PRELID2: variants seen among roughly 807,000 people sequenced by gnomAD.
The protein encoded by PRELID2 is PRELI domain-containing protein 2.
In PRELID2, 25 loss-of-function variants were observed where a neutral mutation model predicts 28.4. That is an observed-to-expected ratio of 0.88 (90% CI 0.64 to 1.23). PRELID2 has a LOEUF of 1.23. Among genes scored for constraint, PRELID2 ranks in the 50% most tolerant of loss-of-function variants. PRELID2 has a pLI of 0.00. For synonymous variants in PRELID2, 76 were observed against 71.6 expected (o/e 1.06, Z -0.31); for missense variants, 201 against 214.4 (o/e 0.94, Z 0.39).
chr5:145,320,202 C>A, the PRELID2 span, among the ~76,000 whole-genome samples: 5 of 152,016 alleles, frequency 3.3e-5, no homozygotes, highest in African/African-American at 1.2e-4. Context: ...CCTGAGTGCT[C>A]CTTAAACTAC....
the PRELID2 span, among the ~76,000 whole-genome samples, chr5:145,454,335 A>C: frequency 5.9e-5 from 9 of 152,266 alleles, no homozygotes; most frequent in African/African-American, 9.6e-5. Flanking sequence ...ACTGAATGGG[A>C]AAAAACTGGA....
chr5:145,343,784 A>T, the PRELID2 span, among the ~76,000 whole-genome samples: 15 of 151,884 alleles, frequency 9.9e-5, no homozygotes, highest in African/African-American at 3.6e-4. Flanking sequence ...GAACCAAGAA[A>T]AAAAGAGTAT....
the PRELID2 span, among the ~76,000 whole-genome samples, chr5:145,377,415 A>C: frequency 2.6e-5 from 4 of 152,246 alleles, no homozygotes; most frequent in East Asian, 7.7e-4. Flanking sequence ...TCCAGTGCTG[A>C]GTTCAGGTCC....
At chr5:145,371,464 A>G in the PRELID2 span, among the ~76,000 whole-genome samples, 3 of 152,030 alleles carry the variant, frequency 2.0e-5, no homozygotes, top group African/African-American at 7.2e-5. Context: ...AGTGAAGCCA[A>G]TTTATCATGG....
the PRELID2 span, among the ~76,000 whole-genome samples, chr5:145,414,966 A>T: frequency 6.6e-6 from 1 of 152,196 alleles, no homozygotes; most frequent in Non-Finnish European, 1.5e-5. Flanking sequence ...TGGTTCTAAG[A>T]CCTGAACTCA....
chr5:145,365,954 A>G, the PRELID2 span, among the ~76,000 whole-genome samples: 2 of 151,918 alleles, frequency 1.3e-5, no homozygotes, highest in Non-Finnish European at 2.9e-5. Context: ...AAGTGGTATA[A>G]AAAAGGCTCT....
intron 1 of PRELID2, among the ~76,000 whole-genome samples, chr5:145,657,447 A>G (rs933535980): frequency 5.3e-5 from 8 of 152,196 alleles, no homozygotes; most frequent in Non-Finnish European, 4.4e-5. Flanking sequence ...GCACTTTGGG[A>G]GGCTGAGGCG....
chr5:145,725,916 C>G (rs557585903), intron 1 of PRELID2, among the ~76,000 whole-genome samples: 1 of 152,240 alleles, frequency 6.6e-6, no homozygotes, highest in East Asian at 1.9e-4. Flanking sequence ...GGTGCAGTAG[C>G]TTATGCCTGT....
intron 1 of PRELID2, among the ~76,000 whole-genome samples, chr5:145,709,047 A>G (rs1223118505): frequency 1.3e-5 from 2 of 152,250 alleles, no homozygotes; most frequent in Non-Finnish European, 2.9e-5. Flanking sequence ...ATCCTATGGC[A>G]TAAACATGGC....
intron 4 of PRELID2, among the ~76,000 whole-genome samples, chr5:145,801,171 G>A (rs571867459): frequency 2.0e-4 from 30 of 152,290 alleles, no homozygotes; most frequent in African/African-American, 7.0e-4. Flanking sequence ...AGTCTATTGA[G>A]TAATAAGACC....
chr5:145,323,771 A>G, the PRELID2 span, among the ~76,000 whole-genome samples: 1 of 152,160 alleles, frequency 6.6e-6, no homozygotes, highest in Non-Finnish European at 1.5e-5. Flanking sequence ...AGCTCCATCC[A>G]TGTTGCTGCA....
intron 1 of PRELID2, among the ~76,000 whole-genome samples, chr5:145,652,163 G>T (rs1240337896): frequency 6.6e-6 from 1 of 152,096 alleles, no homozygotes; most frequent in East Asian, 1.9e-4. Flanking sequence ...AGGGATTGAA[G>T]ATCAAATGAA....
At chr5:145,714,614 C>T (rs1755792545) in intron 1 of PRELID2, among the ~76,000 whole-genome samples, 2 of 151,990 alleles carry the variant, frequency 1.3e-5, no homozygotes, top group African/African-American at 2.4e-5. Flanking sequence ...TATATTTTAC[C>T]TCATTTAACC....
chr5:145,277,040 C>T, the PRELID2 span, among the ~76,000 whole-genome samples: 1 of 152,116 alleles, frequency 6.6e-6, no homozygotes, highest in Non-Finnish European at 1.5e-5. Context: ...TGAATGATGC[C>T]ACAGAGTAGA....
At chr5:145,438,127 A>G in the PRELID2 span, among the ~76,000 whole-genome samples, 1 of 152,154 alleles carries the variant, frequency 6.6e-6, no homozygotes, top group Admixed American at 6.5e-5. Flanking sequence ...AATGTGGTTC[A>G]CAAATTGATT....
chr5:145,484,783 G>C (rs1580954544), intron 1 of PRELID2, among the ~76,000 whole-genome samples: 1 of 152,102 alleles, frequency 6.6e-6, no homozygotes, highest in Non-Finnish European at 1.5e-5. Flanking sequence ...TTCACTTAAT[G>C]TTCATTATCT....
intron 1 of PRELID2, among the ~76,000 whole-genome samples, chr5:145,727,120 G>A (rs1469934306): frequency 1.3e-5 from 2 of 152,224 alleles, no homozygotes; most frequent in South Asian, 2.1e-4. Flanking sequence ...GGGGTTGAAA[G>A]GGAGCACTGC....
At chr5:145,652,042 T>G (rs1393845167) in intron 1 of PRELID2, among the ~76,000 whole-genome samples, 1 of 151,760 alleles carries the variant, frequency 6.6e-6, no homozygotes, top group Non-Finnish European at 1.5e-5. Context: ...AAATAACCAG[T>G]GTAGAGAAGT....
chr5:145,576,244 G>T (rs1187044289), intron 1 of PRELID2, among the ~76,000 whole-genome samples: 1 of 152,030 alleles, frequency 6.6e-6, no homozygotes, highest in African/African-American at 2.4e-5. Flanking sequence ...ACCCCAAAAA[G>T]AAACCCCATA....
Sources: gnomAD v4.1 joint callset for allele counts (sites outside exome capture counted in the v4.1 genomes callset) on GRCh38, gnomAD v4.1.1 for gene constraint, MANE v1.5 for transcripts, NCBI Gene and HGNC (gene_info 2026-07-23, HGNC 2026-07-21) for gene names.